The following HADH variants were observed in gnomAD, a reference collection of about 807,000 sequenced individuals.
The protein encoded by HADH is hydroxyacyl-CoA dehydrogenase.
A neutral mutation model predicts 32.2 loss-of-function variants in HADH; 24 were observed. The observed-to-expected ratio is 0.75, with a 90% CI of 0.54 to 1.05. The LOEUF is 1.05. HADH is among the 50% of genes least tolerant of loss of function. The probability of loss-of-function intolerance (pLI) is 0.00; values close to 1 mark genes in which losing one functional copy is unlikely to be tolerated. For synonymous variants in HADH, 139 were observed against 152.5 expected, an observed-to-expected ratio of 0.91 and a Z score of 0.65; for missense variants, 350 against 397.1, an observed-to-expected ratio of 0.88 and a Z score of 1.01.
At chr4:108,013,430 ACAC>A (rs1489557378) in intron 2 of HADH, among the ~76,000 whole-genome samples, 4 of 152,096 alleles carry the variant, frequency 2.6e-5, no homozygotes, top group Admixed American at 6.5e-5. Flanking sequence ...TTTCTGAGCC[ACAC>A]CCTAAAGATA....
Position 107,990,049 on chromosome 4 carries a change from C to CGCCGGCATTGCCCAGGTGAGCG in HADH, c.121_132+10dup. 6.2e-7 allele frequency: 1 copy of CGCCGGCATTGCCCAGGTGAGCG among 1,610,090 alleles called. No individual in the cohort carries two copies. Among genetic ancestry groups the CGCCGGCATTGCCCAGGTGAGCG allele is most frequent in the Non-Finnish European group, 8.5e-7 (1 of 1,178,976 alleles). Reference sequence around the variant, plus strand: ...CGGTCATCGGCGGCGGGCTGATGGGCGCCGGCATTGCCCAGGTGAGCGGCC... The same window carrying CGCCGGCATTGCCCAGGTGAGCG: ...CGGTCATCGGCGGCGGGCTGATGGGCGCCGGCATTGCCCAGGTGAGCGGCCGGCATTGCCCAGGTGAGCGGCC... On this transcript the variant is annotated frameshift_variant, in exon 1 of 8. Coordinates refer to ENST00000309522, the MANE Select transcript of HADH (RefSeq NM_005327.7). LOFTEE classifies it high-confidence loss of function.
chr4:108,028,537 C>A (rs144223482), intron 6 of HADH: 1 of 249,244 alleles, frequency 4.0e-6, no homozygotes, highest in Non-Finnish European at 7.6e-6. Flanking sequence ...AAAACATTTA[C>A]ACCAGCTCTT....
chr4:108,012,055 C>A (rs2126227750), intron 2 of HADH, among the ~76,000 whole-genome samples: 1 of 151,940 alleles, frequency 6.6e-6, no homozygotes, highest in Non-Finnish European at 1.5e-5. Context: ...CCACACCCAG[C>A]TAATTAAAAA....
chr4:108,030,686 A>G (rs1007755416), intron 6 of HADH: 3 of 152,210 alleles, frequency 2.0e-5, no homozygotes, highest in Non-Finnish European at 2.9e-5. Flanking sequence ...AGGGTGTCCA[A>G]TGAACCTCCT....
intron 2 of HADH, among the ~76,000 whole-genome samples, chr4:108,014,177 C>T (rs1379422303): frequency 2.6e-5 from 4 of 152,202 alleles, no homozygotes; most frequent in Non-Finnish European, 5.9e-5. Context: ...TACCCTGGCT[C>T]TTGCCCTTGC....
At chr4:108,022,424 T>C (rs527552997) in intron 4 of HADH, among the ~76,000 whole-genome samples, 1 of 152,188 alleles carries the variant, frequency 6.6e-6, no homozygotes, top group African/African-American at 2.4e-5. Context: ...TGCCTGTACC[T>C]CACAGAGGTC....
At chr4:108,018,122 A>G (rs1735754141) in intron 3 of HADH, among the ~76,000 whole-genome samples, 1 of 152,184 alleles carries the variant, frequency 6.6e-6, no homozygotes, top group Non-Finnish European at 1.5e-5. Context: ...CAAACATTCT[A>G]CAAAAAGGGG....
intron 1 of HADH, among the ~76,000 whole-genome samples, chr4:107,991,912 C>T (rs1734825637): frequency 6.6e-6 from 1 of 152,182 alleles, no homozygotes; most frequent in Admixed American, 6.5e-5. Flanking sequence ...TCCTTGAAGA[C>T]AGCAGTGGAA....
chr4:108,032,356 G>T, intron 6 of HADH: 1 of 1,601,170 alleles, frequency 6.2e-7, no homozygotes, highest in Non-Finnish European at 8.5e-7. Context: ...TTCTAACTCG[G>T]GTTTGGGCTT....
intron 3 of HADH, among the ~76,000 whole-genome samples, chr4:108,015,813 C>T (rs1217791710): frequency 3.3e-5 from 5 of 152,148 alleles, no homozygotes; most frequent in Non-Finnish European, 7.3e-5. Context: ...TCATTTCACA[C>T]TGGCATCTAG....
intron 3 of HADH, among the ~76,000 whole-genome samples, chr4:108,018,138 C>G (rs536629933): frequency 6.6e-6 from 1 of 152,126 alleles, no homozygotes; most frequent in African/African-American, 2.4e-5. Context: ...AGGGGTATTA[C>G]GATTGTAATA....
intron 2 of HADH, among the ~76,000 whole-genome samples, chr4:108,010,178 A>G (rs970361922): frequency 2.0e-5 from 3 of 152,146 alleles, no homozygotes; most frequent in Non-Finnish European, 4.4e-5. Flanking sequence ...GAAGAACATG[A>G]GAATTTGGAA....
At chr4:107,993,688 G>T (rs983866639) in intron 1 of HADH, among the ~76,000 whole-genome samples, 2 of 152,010 alleles carry the variant, frequency 1.3e-5, no homozygotes, top group African/African-American at 4.8e-5. Flanking sequence ...TGTATTTTCC[G>T]AGAGTATCTA....
At chr4:108,013,047 C>T (rs1014271175) in intron 2 of HADH, among the ~76,000 whole-genome samples, 5 of 152,222 alleles carry the variant, frequency 3.3e-5, no homozygotes, top group African/African-American at 1.2e-4. Context: ...ATTCTCCTGC[C>T]TCAGCCTTTT....
chr4:108,009,924 T>C, intron 2 of HADH, 37 bp downstream of exon 2: 5 of 1,450,658 alleles, frequency 3.4e-6, no homozygotes, highest in Non-Finnish European at 4.8e-6. Context: ...AGACAAGTCC[T>C]CTGACTGCTT....
intron 1 of HADH, among the ~76,000 whole-genome samples, chr4:108,000,130 A>G (rs1560723267): frequency 6.6e-6 from 1 of 152,216 alleles, no homozygotes. Flanking sequence ...ATGCAACAGC[A>G]CTTTTGAAAG....
chr4:108,012,996 G>C (rs1437929028), intron 2 of HADH, among the ~76,000 whole-genome samples: 2 of 152,174 alleles, frequency 1.3e-5, no homozygotes, highest in Admixed American at 1.3e-4. Context: ...GCAGTTGCGC[G>C]ATGTCGGCTC....
chr4:108,027,587 C>A (rs1736108399), intron 5 of HADH, 101 bp from the exon 6 acceptor site: 7 of 795,732 alleles, frequency 8.8e-6, no homozygotes, highest in Admixed American at 6.9e-5. Context: ...TAAATGGGGG[C>A]AAACATGATC....
intron 1 of HADH, among the ~76,000 whole-genome samples, chr4:107,994,948 G>A (rs925863292): frequency 6.6e-6 from 1 of 152,152 alleles, no homozygotes; most frequent in Non-Finnish European, 1.5e-5. Context: ...TTTTAGAGCA[G>A]AAATGGCACT....
Sources: gnomAD v4.1 joint callset for allele counts (sites outside exome capture counted in the v4.1 genomes callset) on GRCh38, gnomAD v4.1.1 for gene constraint, MANE v1.5 for transcripts, NCBI Gene and HGNC (gene_info 2026-07-23, HGNC 2026-07-21) for gene names.